The following PTK2 variants were observed in gnomAD, a reference collection of about 807,000 sequenced individuals.
PTK2 encodes protein tyrosine kinase 2.
PTK2 carries 45 observed loss-of-function variants against 150.1 expected under a neutral mutation model. That is an observed-to-expected ratio of 0.30 (90% CI 0.24 to 0.38). The LOEUF is 0.38. Among genes scored for constraint, PTK2 ranks in the 10% least tolerant of loss-of-function variants. PTK2 has a pLI of 1.00. For missense variants in PTK2, 919 were observed against 1,307.3 expected, an observed-to-expected ratio of 0.70 and a Z score of 4.58; for synonymous variants, 432 against 449.2, an observed-to-expected ratio of 0.96 and a Z score of 0.48.
intron 2 of PTK2, among the ~76,000 whole-genome samples, chr8:140,902,390 CTTTG>C (rs200772019): frequency 0.033 from 4,984 of 152,268 alleles, 278 homozygotes; most frequent in African/African-American, 0.11. Flanking sequence ...GGTTCCAAGT[CTTTG>C]CTACTGTGAA....
intron 16 of PTK2, among the ~76,000 whole-genome samples, chr8:140,755,796 T>G (rs1254124106): frequency 1.3e-5 from 2 of 152,172 alleles, no homozygotes; most frequent in Non-Finnish European, 2.9e-5. Context: ...TAACTGAACC[T>G]TAAATAAAGT....
At chr8:140,809,344 C>T (rs569950367) in intron 10 of PTK2, among the ~76,000 whole-genome samples, 64 of 152,106 alleles carry the variant, frequency 4.2e-4, no homozygotes, top group Non-Finnish European at 7.2e-4. Flanking sequence ...TGAAAAAGAG[C>T]CAAATCAAAA....
intron 2 of PTK2, among the ~76,000 whole-genome samples, chr8:140,915,211 T>C (rs13254151): frequency 0.42 from 63,286 of 151,640 alleles, 15,125 homozygotes; most frequent in Non-Finnish European, 0.55. Flanking sequence ...TAAGAGCAAA[T>C]AGAAAAGACA....
intron 1 of PTK2, among the ~76,000 whole-genome samples, chr8:140,967,899 C>G (rs1161701539): frequency 1.3e-5 from 2 of 152,204 alleles, no homozygotes; most frequent in Non-Finnish European, 2.9e-5. Flanking sequence ...TTAACACAAG[C>G]TGCAACCTAT....
At chr8:140,779,070 G>C (rs1199991094) in intron 14 of PTK2, among the ~76,000 whole-genome samples, 3 of 151,794 alleles carry the variant, frequency 2.0e-5, no homozygotes, top group Non-Finnish European at 4.4e-5. Flanking sequence ...AGACCAGCCT[G>C]GTCAACATGG....
rs567758888 is a variant in PTK2 at position 140,973,472 on chromosome 8, A to G, written c.-122+27653T>C. Among the ~76,000 whole-genome samples the G allele has an allele frequency of 3.3e-5, 5 of 152,250 alleles. No individual in the cohort carries two copies. In the South Asian group the frequency reaches 8.3e-4, roughly 25 times the overall value. ...AAATTCTAGATTACGTAAAGCAAAGAGTAAAAGGGGCACACATACACACAC... is the reference window on the plus strand; with the variant it reads ...AAATTCTAGATTACGTAAAGCAAAGGGTAAAAGGGGCACACATACACACAC... On this transcript the variant is annotated intron_variant, in intron 1 of 31. Transcript: ENST00000522684.
chr8:140,988,721 T>A (rs1588891790), intron 1 of PTK2, among the ~76,000 whole-genome samples: 1 of 81,314 alleles, frequency 1.2e-5, no homozygotes, highest in Non-Finnish European at 2.2e-5. Flanking sequence ...AGAGCAAGAC[T>A]CCATCCCAAA....
chr8:140,989,018 G>A (rs2100194510), intron 1 of PTK2, among the ~76,000 whole-genome samples: 1 of 146,960 alleles, frequency 6.8e-6, no homozygotes, highest in Non-Finnish European at 1.5e-5. Flanking sequence ...ACAAAAAAAA[G>A]GAGGAACTAT....
At chr8:140,803,292 C>T (rs2100096351) in intron 11 of PTK2, among the ~76,000 whole-genome samples, 1 of 152,064 alleles carries the variant, frequency 6.6e-6, no homozygotes, top group Admixed American at 6.5e-5. Flanking sequence ...GCCACCGCGC[C>T]TGGCCTGATG....
intron 2 of PTK2, among the ~76,000 whole-genome samples, chr8:140,898,821 G>A (rs1264404573): frequency 6.6e-6 from 1 of 152,184 alleles, no homozygotes; most frequent in African/African-American, 2.4e-5. Context: ...TGCTGAAGCT[G>A]TAAAGGGGAG....
At chr8:140,890,405 A>T in intron 3 of PTK2, 138 bp downstream of exon 3, 1 of 672,344 alleles carries the variant, frequency 1.5e-6, no homozygotes, top group Non-Finnish European at 2.4e-6. Context: ...TAAATCTTAT[A>T]ATTAAAAATA....
chr8:140,734,637 G>T (rs201004496), intron 22 of PTK2: 1 of 456,282 alleles, frequency 2.2e-6, no homozygotes, highest in Middle Eastern at 3.3e-4. Flanking sequence ...GCACAAAGTA[G>T]TAGCCACAAA....
chr8:140,962,015 G>A (rs2100183359), intron 1 of PTK2, among the ~76,000 whole-genome samples: 1 of 152,000 alleles, frequency 6.6e-6, no homozygotes, highest in Admixed American at 6.5e-5. Flanking sequence ...GGCAGAGACA[G>A]GTGGATCACA....
intron 28 of PTK2, 42 bp downstream of exon 31, chr8:140,675,418 A>C: frequency 6.3e-7 from 1 of 1,596,362 alleles, no homozygotes; most frequent in Non-Finnish European, 8.6e-7. Flanking sequence ...GCTTTCATCA[A>C]ATTAAACTAA....
intron 16 of PTK2, among the ~76,000 whole-genome samples, chr8:140,760,329 T>C (rs369243205): frequency 1.3e-5 from 2 of 152,116 alleles, no homozygotes; most frequent in African/African-American, 4.8e-5. Flanking sequence ...ACAACCCAAA[T>C]ATTCATCAAC....
intron 27 of PTK2, among the ~76,000 whole-genome samples, chr8:140,681,612 C>A (rs574330643): frequency 1.2e-4 from 18 of 151,980 alleles, no homozygotes; most frequent in African/African-American, 4.1e-4. Flanking sequence ...ACCGTCTCTA[C>A]TAAAAATACA....
chr8:140,708,189 G>C (rs77128723), intron 23 of PTK2, among the ~76,000 whole-genome samples: 2,431 of 152,190 alleles, frequency 0.016, 73 homozygotes, highest in African/African-American at 0.054. Flanking sequence ...ACAAGCTTAG[G>C]AAAGAAAACG....
intron 27 of PTK2, among the ~76,000 whole-genome samples, chr8:140,681,442 A>G (rs887173403): frequency 6.6e-6 from 1 of 151,366 alleles, no homozygotes; most frequent in African/African-American, 2.4e-5. Context: ...ACCAACCCCA[A>G]ACTGGCTGCT....
chr8:140,939,550 A>G (rs909885934), intron 1 of PTK2, among the ~76,000 whole-genome samples: 4 of 152,170 alleles, frequency 2.6e-5, no homozygotes, highest in African/African-American at 9.7e-5. Context: ...GGTTGCACAA[A>G]TCTTCCACAG....
Sources: gnomAD v4.1 joint callset for allele counts (sites outside exome capture counted in the v4.1 genomes callset) on GRCh38, gnomAD v4.1.1 for gene constraint, MANE v1.5 for transcripts, NCBI Gene and HGNC (gene_info 2026-07-23, HGNC 2026-07-21) for gene names.